HRH4: variants seen among roughly 807,000 people sequenced by gnomAD.
The protein encoded by HRH4 is histamine H4 receptor.
A neutral mutation model predicts 10.4 loss-of-function variants in HRH4; 12 were observed. The ratio of observed to expected loss-of-function variants is 1.15; its 90% CI spans 0.74 to 1.87. The LOEUF is 1.87. Ranked by LOEUF, HRH4 falls within the 40% of genes most tolerant of loss-of-function variation. The pLI, the probability that HRH4 is intolerant of heterozygous loss-of-function variation, is 0.00. For missense variants in HRH4, 415 were observed against 453.3 expected, an observed-to-expected ratio of 0.92 and a Z score of 0.77; for synonymous variants, 154 against 166.6, an observed-to-expected ratio of 0.92 and a Z score of 0.58.
At chr18:24,461,166 A>T (rs556465414) in intron 1 of HRH4, among the ~76,000 whole-genome samples, 1 of 152,180 alleles carries the variant, frequency 6.6e-6, no homozygotes, top group Non-Finnish European at 1.5e-5. Context: ...TAGAATAAAG[A>T]TAAGTCCAGT....
rs908882374 is a variant in HRH4, at chr18:24,478,650, A to T, written c.*1088A>T. ...GCGGAGTTTGCCAGCCTGGCAACAG[A>T]ACAAGACTCTGTCTAAAAAGAAAAA... On this transcript the variant is annotated 3_prime_UTR_variant, in exon 3 of 3. Transcript: ENST00000256906. 6 of 152,428 alleles carry T rather than the reference A, an allele frequency of 3.9e-5. No homozygotes were observed. The South Asian group carries it at 1.2e-3, about 32-fold the overall frequency. 9.4% of individuals were successfully genotyped at this position (152,428 alleles called of 1,614,324 possible). A position where few individuals can be genotyped will look rare whatever the true frequency, so the allele number is the denominator to read the frequency against.
chr18:24,468,471 C>G (rs183292393), intron 1 of HRH4, among the ~76,000 whole-genome samples: 1 of 152,312 alleles, frequency 6.6e-6, no homozygotes, highest in African/African-American at 2.4e-5. Context: ...TAGTCAAAGT[C>G]TATACATGTC....
rs144876441 is a variant in HRH4, at chr18:24,473,009, G to A, written c.358-3738G>A. On this transcript the variant is annotated intron_variant, in intron 2 of 2. Coordinates refer to ENST00000256906, the MANE Select transcript of HRH4 (RefSeq NM_021624.4). ...GTCTCTACTAAAAATACAAAAATCA[G>A]CCAGGCTTGGTGGCGGGCGCCTGTA... Among the ~76,000 whole-genome samples the A allele has an allele frequency of 4.9e-3, 748 of 152,218 alleles. 2 individuals carry two copies. Among genetic ancestry groups the A allele is most frequent in the African/African-American group, 0.017 (692 of 41,538 alleles).
intron 2 of HRH4, among the ~76,000 whole-genome samples, chr18:24,472,207 G>C (rs1909988952): frequency 6.6e-6 from 1 of 152,116 alleles, no homozygotes; most frequent in Non-Finnish European, 1.5e-5. Flanking sequence ...CAGCGCGCTT[G>C]GCCAATTTTT....
intron 2 of HRH4, among the ~76,000 whole-genome samples, chr18:24,473,813 C>T (rs1015426679): frequency 3.3e-5 from 5 of 152,120 alleles, no homozygotes; most frequent in East Asian, 1.9e-4. Flanking sequence ...GTAGGCCGCT[C>T]GGCCTCACCA....
At chr18:24,467,920 G>A (rs964109449) in intron 1 of HRH4, among the ~76,000 whole-genome samples, 2 of 152,152 alleles carry the variant, frequency 1.3e-5, no homozygotes, top group Non-Finnish European at 2.9e-5. Flanking sequence ...AAAGAGATGT[G>A]AAAATGTGCC....
chr18:24,477,743 A>G lies in HRH4; in HGVS notation c.*181A>G. 1 of 502,766 alleles carries G rather than the reference A, an allele frequency of 2.0e-6. No individual in the cohort carries two copies. Among genetic ancestry groups the G allele is most frequent in the South Asian group, 3.9e-5 (1 of 25,334 alleles). The allele number at this position is 502,766 out of a possible 1,614,324, so 31.1% of individuals were successfully genotyped here. ...ATAATATTTTTGTAAACTTGTAGTC[A>G]TAATAGTACTATATTCTTCTTAGTC... On this transcript the variant is annotated 3_prime_UTR_variant, in exon 3 of 3. Coordinates refer to ENST00000256906, the MANE Select transcript of HRH4 (RefSeq NM_021624.4).
Position 24,468,778 on chromosome 18 carries a change from C to G in HRH4, c.194-10C>G, listed in dbSNP as rs749869415. 1.6e-5 allele frequency: 25 copies of G among 1,605,026 alleles called. No individual in the cohort carries two copies. In the East Asian group the frequency reaches 5.4e-4, roughly 34 times the overall value. ...CGCTATGTTTTTACACTTATGTTTTCCCTGTGCAGGTGTGATCTCCATTCC... is the reference window on the plus strand; with the variant it reads ...CGCTATGTTTTTACACTTATGTTTTGCCTGTGCAGGTGTGATCTCCATTCC... On this transcript the variant is annotated splice_polypyrimidine_tract_variant and intron_variant, in intron 1 of 2. Coordinates refer to ENST00000256906, the MANE Select transcript of HRH4 (RefSeq NM_021624.4).
At chr18:24,468,572 T>G (rs933593231) in intron 1 of HRH4, among the ~76,000 whole-genome samples, 2 of 152,202 alleles carry the variant, frequency 1.3e-5, no homozygotes, top group Non-Finnish European at 2.9e-5. Flanking sequence ...GGGCCCACTG[T>G]GCAATGTTCA....
intron 1 of HRH4, 32 bp from the exon 2 acceptor site, chr18:24,468,756 T>C (rs1366235463): frequency 4.4e-6 from 7 of 1,589,402 alleles, no homozygotes; most frequent in Non-Finnish European, 5.1e-6. Context: ...TGATGTGCGC[T>C]ATGTTTTTAC....
Position 24,477,947 on chromosome 18 carries a change from G to T in HRH4, c.*385G>T, listed in dbSNP as rs1421125. On this transcript the variant is annotated 3_prime_UTR_variant, in exon 3 of 3. Coordinates refer to ENST00000256906, the MANE Select transcript of HRH4 (RefSeq NM_021624.4). ...TCCCTAAAGCATGCAATAGGAAAAA[G>T]AACCTCCTGGCTGGGACTGCCCAAC... The T allele has an allele frequency of 0.31, 51,017 of 161,962 alleles. 8,716 individuals are homozygous for T. Among genetic ancestry groups the T allele is most frequent in the Non-Finnish European group, 0.39 (28,821 of 73,994 alleles). 10.0% of individuals were successfully genotyped at this position (161,962 alleles called of 1,614,324 possible).
intron 1 of HRH4, among the ~76,000 whole-genome samples, chr18:24,461,810 A>G (rs1909649001): frequency 6.6e-6 from 1 of 151,196 alleles, no homozygotes; most frequent in Admixed American, 6.6e-5. Context: ...GTCAACCCCA[A>G]TCTAGGTCAC....
intron 2 of HRH4, among the ~76,000 whole-genome samples, chr18:24,472,932 A>C (rs1910013925): frequency 6.6e-6 from 1 of 152,182 alleles, no homozygotes; most frequent in Non-Finnish European, 1.5e-5. Flanking sequence ...AGGCTGGCAG[A>C]TCACTTGAGG....
intron 1 of HRH4, among the ~76,000 whole-genome samples, chr18:24,463,128 G>A (rs1304361657): frequency 6.6e-6 from 1 of 152,192 alleles, no homozygotes; most frequent in Non-Finnish European, 1.5e-5. Context: ...TCCATGTCTG[G>A]CCCAAGACCA....
At chr18:24,469,249 T>A (rs1213817521) in intron 2 of HRH4, among the ~76,000 whole-genome samples, 3 of 152,208 alleles carry the variant, frequency 2.0e-5, no homozygotes, top group Non-Finnish European at 4.4e-5. Flanking sequence ...CATGACAGGT[T>A]TATGGGTTCT....
rs1910185979 is a variant in HRH4, at chr18:24,477,728, T to C, written c.*166T>C. 1.9e-6 allele frequency: 1 copy of C among 528,502 alleles called. No individual in the cohort carries two copies. Among genetic ancestry groups the C allele is most frequent in the Non-Finnish European group, 3.3e-6 (1 of 302,334 alleles). The allele number at this position is 528,502 out of a possible 1,614,324, so 32.7% of individuals were successfully genotyped here. A position where few individuals can be genotyped will look rare whatever the true frequency, so the allele number is the denominator to read the frequency against. ...GTATAATATGACTTGATAATATTTT[T>C]GTAAACTTGTAGTCATAATAGTACT... On this transcript the variant is annotated 3_prime_UTR_variant, in exon 3 of 3. Transcript: ENST00000256906.
At chr18:24,468,728 A>T in intron 1 of HRH4, 60 bp from the exon 2 acceptor site, 1 of 1,419,382 alleles carries the variant, frequency 7.0e-7, no homozygotes, top group African/African-American at 1.4e-5. Context: ...CCATTAAAAC[A>T]TGCACATTTG....
At chr18:24,475,214 T>C (rs1568098967) in intron 2 of HRH4, among the ~76,000 whole-genome samples, 1 of 152,028 alleles carries the variant, frequency 6.6e-6, no homozygotes, top group Non-Finnish European at 1.5e-5. Flanking sequence ...CCAAGGGGAG[T>C]TAGAATATTC....
At chr18:24,476,056 G>A (rs1910124846) in intron 2 of HRH4, among the ~76,000 whole-genome samples, 1 of 152,222 alleles carries the variant, frequency 6.6e-6, no homozygotes, top group East Asian at 1.9e-4. Flanking sequence ...TTTGTCTGTG[G>A]TTAATCTTCT....
Sources: gnomAD v4.1 joint callset for allele counts (sites outside exome capture counted in the v4.1 genomes callset) on GRCh38, gnomAD v4.1.1 for gene constraint, MANE v1.5 for transcripts, NCBI Gene and HGNC (gene_info 2026-07-23, HGNC 2026-07-21) for gene names.